Variants in MYOM1 observed in about 807,000 individuals in gnomAD.
MYOM1 encodes the protein myomesin 1, also known as myomesin-1.
MYOM1 carries 164 observed loss-of-function variants against 205.3 expected under a neutral mutation model. The ratio of observed to expected loss-of-function variants is 0.80; its 90% CI spans 0.70 to 0.91. The LOEUF is 0.91. Among genes scored for constraint, MYOM1 ranks in the 40% least tolerant of loss-of-function variants. MYOM1 has a pLI of 0.00. For missense variants in MYOM1, 2,011 were observed against 2,127.3 expected, an observed-to-expected ratio of 0.95 and a Z score of 1.08; for synonymous variants, 772 against 789.4, an observed-to-expected ratio of 0.98 and a Z score of 0.37.
chr18:3,174,336 T>C (rs2080603669), intron 6 of MYOM1, 128 bp from the exon 7 acceptor site: 1 of 737,350 alleles, frequency 1.4e-6, no homozygotes, highest in South Asian at 1.7e-5. Context: ...GCTCTTTGGT[T>C]CTCCTGGTAC....
intron 8 of MYOM1, among the ~76,000 whole-genome samples, chr18:3,170,104 A>G (rs2080534519): frequency 6.6e-6 from 1 of 152,176 alleles, no homozygotes; most frequent in African/African-American, 2.4e-5. Flanking sequence ...AATTGAACCC[A>G]TGGAGATAGA....
intron 25 of MYOM1, among the ~76,000 whole-genome samples, chr18:3,095,936 A>G (rs2079297330): frequency 6.6e-6 from 1 of 152,182 alleles, no homozygotes; most frequent in Admixed American, 6.5e-5. Flanking sequence ...TCTTCTAAAA[A>G]TATCTGGAGA....
At chr18:3,225,196 C>T in the MYOM1 span, among the ~76,000 whole-genome samples, 5 of 151,448 alleles carry the variant, frequency 3.3e-5, no homozygotes, top group African/African-American at 4.9e-5. Flanking sequence ...ACCGTGTTAG[C>T]CAGGATGGTC....
intron 6 of MYOM1, among the ~76,000 whole-genome samples, chr18:3,175,823 A>C (rs1254024524): frequency 2.0e-5 from 3 of 152,212 alleles, no homozygotes; most frequent in African/African-American, 7.2e-5. Context: ...CTTTGACCGA[A>C]TCCAAATATA....
At chr18:3,138,590 G>A (rs189843329) in intron 14 of MYOM1, among the ~76,000 whole-genome samples, 24 of 152,226 alleles carry the variant, frequency 1.6e-4, no homozygotes, top group Admixed American at 1.3e-3. Context: ...CCTGAGGGAC[G>A]AAACTCTCTC....
At chr18:3,172,827 A>G (rs2080581126) in intron 8 of MYOM1, among the ~76,000 whole-genome samples, 1 of 152,216 alleles carries the variant, frequency 6.6e-6, no homozygotes, top group Non-Finnish European at 1.5e-5. Context: ...ATTCTATCTC[A>G]ACATAAATCA....
intron 33 of MYOM1, among the ~76,000 whole-genome samples, chr18:3,082,123 G>A (rs763883259): frequency 2.0e-5 from 3 of 152,188 alleles, no homozygotes; most frequent in African/African-American, 7.2e-5. Flanking sequence ...ATCTAATGCC[G>A]CAGCTGATCT....
intron 31 of MYOM1, among the ~76,000 whole-genome samples, 197 bp from the exon 32 acceptor site, chr18:3,084,224 A>C (rs935310171): frequency 1.3e-5 from 2 of 152,122 alleles, no homozygotes; most frequent in African/African-American, 4.8e-5. Flanking sequence ...ATCCCTGCTT[A>C]TTTTGATTTT....
At chr18:3,149,262 C>A in intron 12 of MYOM1, 61 bp from the exon 13 acceptor site, 1 of 1,426,564 alleles carries the variant, frequency 7.0e-7, no homozygotes, top group Non-Finnish European at 9.8e-7. Flanking sequence ...ATCAGCTGCA[C>A]TGATGAATTG....
intron 12 of MYOM1, among the ~76,000 whole-genome samples, 154 bp from the exon 13 acceptor site, chr18:3,149,355 G>A (rs1046743229): frequency 6.6e-6 from 1 of 152,178 alleles, no homozygotes; most frequent in African/African-American, 2.4e-5. Context: ...ATCATGTAGA[G>A]GGCACTGTGG....
At chr18:3,169,718 C>G (rs894418172) in intron 8 of MYOM1, among the ~76,000 whole-genome samples, 1 of 152,118 alleles carries the variant, frequency 6.6e-6, no homozygotes, top group African/African-American at 2.4e-5. Flanking sequence ...ATTAGTACAA[C>G]CACTATGGAG....
At chr18:3,181,149 ACT>A (rs2080724501) in intron 5 of MYOM1, among the ~76,000 whole-genome samples, 1 of 151,662 alleles carries the variant, frequency 6.6e-6, no homozygotes. Context: ...CTGGTCTCAA[ACT>A]CCTGACCTCA....
chr18:3,240,715 C>T, the MYOM1 span, among the ~76,000 whole-genome samples: 1 of 152,162 alleles, frequency 6.6e-6, no homozygotes, highest in Admixed American at 6.5e-5. Flanking sequence ...AGGTAACACA[C>T]AGAGGCTGGA....
At chr18:3,094,684 T>A (rs1192164050) in intron 25 of MYOM1, among the ~76,000 whole-genome samples, 1 of 151,366 alleles carries the variant, frequency 6.6e-6, no homozygotes, top group African/African-American at 2.4e-5. Flanking sequence ...TTTTTTGCAA[T>A]AGGTTCTCAC....
chr18:3,237,132 G>A, the MYOM1 span, among the ~76,000 whole-genome samples: 6 of 152,076 alleles, frequency 3.9e-5, no homozygotes, highest in Admixed American at 1.3e-4. Flanking sequence ...AAGGATCACT[G>A]AGAAAGAAAA....
intron 5 of MYOM1, among the ~76,000 whole-genome samples, chr18:3,184,519 C>G (rs1399568593): frequency 6.6e-6 from 1 of 152,202 alleles, no homozygotes; most frequent in African/African-American, 2.4e-5. Context: ...GCAACTCTTG[C>G]TCTCAGAAGT....
chr18:3,099,435 A>G (rs1309634913), intron 25 of MYOM1, among the ~76,000 whole-genome samples: 1 of 152,240 alleles, frequency 6.6e-6, no homozygotes, highest in African/African-American at 2.4e-5. Context: ...TGATTTAAAA[A>G]GAATGGGTGT....
At chr18:3,159,673 T>C (rs886479004) in intron 10 of MYOM1, among the ~76,000 whole-genome samples, 4 of 152,046 alleles carry the variant, frequency 2.6e-5, no homozygotes, top group African/African-American at 9.7e-5. Context: ...AAAGGAACAA[T>C]ATGTCTTACA....
At chr18:3,131,113 C>A (rs1202258202) in intron 17 of MYOM1, among the ~76,000 whole-genome samples, 2 of 152,134 alleles carry the variant, frequency 1.3e-5, no homozygotes, top group African/African-American at 4.8e-5. Context: ...TGGAGTTTCA[C>A]ACAATGTGAA....
Sources: gnomAD v4.1 joint callset for allele counts (sites outside exome capture counted in the v4.1 genomes callset) on GRCh38, gnomAD v4.1.1 for gene constraint, MANE v1.5 for transcripts, NCBI Gene and HGNC (gene_info 2026-07-23, HGNC 2026-07-21) for gene names.